Variants in CEP104 observed in about 807,000 individuals in gnomAD.
CEP104 encodes centrosomal protein of 104 kDa.
CEP104 carries 84 observed loss-of-function variants against 113.3 expected under a neutral mutation model. That is an observed-to-expected ratio of 0.74 (90% CI 0.62 to 0.89). The LOEUF is 0.89. Ranked by LOEUF, CEP104 falls within the 40% of genes least tolerant of loss-of-function variation. The pLI is 0.00. For missense variants in CEP104, 1,053 were observed against 1,156.6 expected (o/e 0.91, Z 1.30); for synonymous variants, 378 against 421.7 (o/e 0.90, Z 1.27).
rs1484473344 is a variant in CEP104 at position 3,826,566 on chromosome 1, G to A, written c.2189-130C>T. On this transcript the variant is annotated intron_variant, in intron 16 of 21. Transcript: ENST00000378230. The stretch of plus-strand genomic sequence containing the variant: ...TAGCATGTTTTCCATTCAGCTGGGA[G>A]ATGGCTGAGGTGCAGCAGGCGTGCA... The A allele has an allele frequency of 6.1e-5, 79 of 1,291,886 alleles. 3 individuals are homozygous for A. In the South Asian group the frequency reaches 9.7e-4, roughly 16 times the overall value. The allele number at this position is 1,291,886 out of a possible 1,614,324, so 80.0% of individuals were successfully genotyped here.
chr1:3,843,767 TG>T (rs1644457224), intron 6 of CEP104, among the ~76,000 whole-genome samples: 1 of 151,690 alleles, frequency 6.6e-6, no homozygotes, highest in African/African-American at 2.4e-5. Context: ...TTGTGGTGTG[TG>T]TTTTTTTTTT....
chr1:3,848,931 C>A (rs960506267), intron 2 of CEP104, 150 bp from the exon 3 acceptor site: 3 of 607,266 alleles, frequency 4.9e-6, no homozygotes, highest in South Asian at 2.2e-5. Flanking sequence ...AAGATGCCTG[C>A]GACATGATTC....
At position 3,816,390 on chromosome 1, in the gene CEP104, C is replaced by CA; in HGVS notation, c.2572-21dup. The CA allele has an allele frequency of 6.5e-7, 1 of 1,543,852 alleles. No homozygotes were observed. Among genetic ancestry groups the CA allele is most frequent in the Non-Finnish European group, 8.8e-7 (1 of 1,142,542 alleles). ...CCATGCCTGCAGCAGAGGAGGCACA[C>CA]AGAGTGTTAATCAGGCGAGACGGAC... On this transcript the variant is annotated intron_variant, in intron 20 of 21. Coordinates refer to ENST00000378230, the MANE Select transcript of CEP104 (RefSeq NM_014704.4).
In CEP104 at chr1:3,836,482, T is replaced by C; in HGVS notation, c.1317+13A>G. The C allele has an allele frequency of 6.7e-7, 1 of 1,486,416 alleles. No homozygotes were observed. The highest frequency in any genetic ancestry group is 8.9e-7 in the Non-Finnish European group (1 of 1,126,866). 92.1% of individuals were successfully genotyped at this position (1,486,416 alleles called of 1,614,324 possible). On this transcript the variant is annotated intron_variant, in intron 10 of 21. Coordinates refer to ENST00000378230, the MANE Select transcript of CEP104 (RefSeq NM_014704.4). ...TCTGCCACCCCGTTTTTTTTTTTTTTTTTTTTTTTTACCAAGGTTTCTCCC... is the reference window on the plus strand; with the variant it reads ...TCTGCCACCCCGTTTTTTTTTTTTTCTTTTTTTTTTACCAAGGTTTCTCCC...
intron 6 of CEP104, among the ~76,000 whole-genome samples, chr1:3,844,165 T>C (rs1252731408): frequency 1.3e-5 from 2 of 152,200 alleles, no homozygotes; most frequent in African/African-American, 4.8e-5. Context: ...ATAACCTGGG[T>C]CCATTAATAT....
At chr1:3,855,999 G>GT (rs773839017) in intron 1 of CEP104, 120 of 948,424 alleles carry the variant, frequency 1.3e-4, no homozygotes, top group Admixed American at 5.5e-4. Flanking sequence ...ACTTTTCCTA[G>GT]TGCTGGCATG....
rs1036575412 is a variant in CEP104 at position 3,813,824 on chromosome 1, C to G, written c.*1578G>C. On this transcript the variant is annotated 3_prime_UTR_variant, in exon 22 of 22. Transcript: ENST00000378230. ...AAGATCACGCCATTGCACTGCAGCCCGGGCGACACAGTGAGACTCCGTCGC... is the reference window on the plus strand; with the variant it reads ...AAGATCACGCCATTGCACTGCAGCCGGGGCGACACAGTGAGACTCCGTCGC... 5.3e-5 allele frequency: 8 copies of G among 151,918 alleles called. No individual in the cohort carries two copies. Among genetic ancestry groups the G allele is most frequent in the African/African-American group, 1.9e-4 (8 of 41,378 alleles). The allele number at this position is 151,918 out of a possible 1,614,324, so 9.4% of individuals were successfully genotyped here.
chr1:3,839,349 T>C (rs1217700545), intron 7 of CEP104, among the ~76,000 whole-genome samples: 2 of 152,124 alleles, frequency 1.3e-5, no homozygotes, highest in Non-Finnish European at 2.9e-5. Flanking sequence ...TTTCCTATTT[T>C]CCCATTGGGC....
Position 3,823,761 on chromosome 1 carries a change from C to G in CEP104, c.2365-199G>C, listed in dbSNP as rs778447306. ...TTGTGATACTTTGCTGAAGACCCCA[C>G]GTCCTTCCTTTCCTGTCATCTTAGC... On this transcript the variant is annotated intron_variant, in intron 18 of 21. Transcript: ENST00000378230. This position sits in a 1 kb window ranked among gnomAD's most constrained non-coding sequence, Gnocchi z 4.1. Among the ~76,000 whole-genome samples the G allele has an allele frequency of 6.6e-6, 1 of 152,230 alleles. No individual in the cohort carries two copies. Among genetic ancestry groups the G allele is most frequent in the Non-Finnish European group, 1.5e-5 (1 of 68,052 alleles).
chr1:3,817,725 A>C (rs960034619), intron 20 of CEP104, among the ~76,000 whole-genome samples: 1 of 152,142 alleles, frequency 6.6e-6, no homozygotes, highest in African/African-American at 2.4e-5. Context: ...CCTCCCCAGC[A>C]CAGAGGTGGC....
chr1:3,822,479 T>G (rs1643996422), intron 20 of CEP104, among the ~76,000 whole-genome samples: 1 of 151,932 alleles, frequency 6.6e-6, no homozygotes, highest in Non-Finnish European at 1.5e-5. Context: ...GAGGTTGGAG[T>G]GGAAGTGGCT....
chr1:3,826,379 T>G lies in CEP104; in HGVS notation c.2246A>C (p.Tyr749Ser), dbSNP rs533659013. The change falls in exon 17 of 22, where the codon TAT becomes TCT. Residue 749 changes from tyrosine (Y) to serine (S), a missense_variant. By Grantham distance (144) the Tyr-to-Ser change is moderately radical (BLOSUM62 -2). Transcript: ENST00000378230. ...AEALGIPDEH[Y>S]LDNLCIFCGE... ...AGACAGCGCGACTTACTTATCTAGA[T>G]AGTGCTCATCCGGGATTCCCAGAGC... 6.9e-5 allele frequency: 111 copies of G among 1,613,846 alleles called. No individual in the cohort carries two copies. Among genetic ancestry groups the G allele is most frequent in the Middle Eastern group, 6.6e-4 (4 of 6,082 alleles).
In CEP104 at chr1:3,814,484, C is replaced by A. The variant is rs771533248; in HGVS notation, c.*918G>T. 4.6e-5 allele frequency: 7 copies of A among 152,264 alleles called. No individual in the cohort carries two copies. Among genetic ancestry groups the A allele is most frequent in the Non-Finnish European group, 8.8e-5 (6 of 68,056 alleles). 9.4% of individuals were successfully genotyped at this position (152,264 alleles called of 1,614,324 possible). ...GAAAGTAAACTTATGGATCCAATCA[C>A]AACATGGATGTGGAAGGGGCGGGAG... On this transcript the variant is annotated 3_prime_UTR_variant, in exon 22 of 22. Transcript: ENST00000378230.
Position 3,814,977 on chromosome 1 carries a change from G to A in CEP104, c.*425C>T, listed in dbSNP as rs1557653102. The A allele has an allele frequency of 6.0e-6, 1 of 166,856 alleles. No individual in the cohort carries two copies. The highest frequency in any genetic ancestry group is 2.4e-5 in the African/African-American group (1 of 41,600). 10.3% of individuals were successfully genotyped at this position (166,856 alleles called of 1,614,324 possible). ...GCCCTGCGGAAATTCTACTGCGTGT[G>A]GCAGAGACCGATGTGCAAAAGGTTT... On this transcript the variant is annotated 3_prime_UTR_variant, in exon 22 of 22. Transcript: ENST00000378230.
intron 4 of CEP104, among the ~76,000 whole-genome samples, chr1:3,846,555 T>TAAA (rs1187444200): frequency 6.6e-6 from 1 of 152,144 alleles, no homozygotes; most frequent in Non-Finnish European, 1.5e-5. Flanking sequence ...AAATCTTTAT[T>TAAA]AAAAAAACAA....
intron 12 of CEP104, 166 bp downstream of exon 12, chr1:3,833,696 A>G (rs1644258534): frequency 1.8e-6 from 1 of 563,882 alleles, no homozygotes; most frequent in African/African-American, 1.9e-5. Context: ...GTTTATGTCT[A>G]AGACAAAACT....
chr1:3,836,765 G>A, intron 9 of CEP104, 73 bp from the exon 10 acceptor site: 1 of 1,395,470 alleles, frequency 7.2e-7, no homozygotes, highest in Non-Finnish European at 1.0e-6. Flanking sequence ...AACTCTCACT[G>A]GCAGGCTTAC....
At position 3,839,012 on chromosome 1, in the gene CEP104, G is replaced by A. The variant is rs150027992; in HGVS notation, c.843C>T (p.Ala281=). ...EKKQQMEQYR[A]EVYEQLELHS... is the part of the protein sequence containing the mutation. ...GCAGCTCCAGCTGCTCGTACACCTC[G>A]GCACGATACTGCTCCATCTGCTGCT... The change falls in exon 8 of 22, where the codon GCC becomes GCT. Residue 281 remains alanine, a synonymous_variant. Coordinates refer to ENST00000378230, the MANE Select transcript of CEP104 (RefSeq NM_014704.4). The A allele has an allele frequency of 8.0e-5, 129 of 1,614,084 alleles. No homozygotes were observed. In the African/African-American group the frequency reaches 1.4e-3, roughly 17 times the overall value.
intron 20 of CEP104, among the ~76,000 whole-genome samples, chr1:3,817,562 C>G (rs563847321): frequency 6.6e-6 from 1 of 152,310 alleles, no homozygotes; most frequent in African/African-American, 2.4e-5. Context: ...TCCCGGCAGG[C>G]CTGGGTTCTG....
Sources: gnomAD v4.1 joint callset for allele counts (sites outside exome capture counted in the v4.1 genomes callset) on GRCh38, gnomAD v4.1.1 for gene constraint, Gnocchi (gnomAD v3.1) non-coding constraint, MANE v1.5 for transcripts, NCBI Gene and HGNC (gene_info 2026-07-23, HGNC 2026-07-21) for gene names.